ZNF385D: variants seen among roughly 807,000 people sequenced by gnomAD.
ZNF385D encodes the protein zinc finger protein 385D.
Under a neutral mutation model 35.8 loss-of-function variants are expected in ZNF385D, and 15 were observed. The observed-to-expected ratio is 0.42, with a 90% CI of 0.28 to 0.64. ZNF385D has a LOEUF of 0.64. Among genes scored for constraint, ZNF385D ranks in the 30% least tolerant of loss-of-function variants. The pLI is 0.23. For missense variants in ZNF385D, 474 were observed against 494.6 expected (o/e 0.96, Z 0.39); for synonymous variants, 212 against 186.8 (o/e 1.13, Z -1.10).
chr3:21,873,785 C>A (rs185363671), intron 3 of ZNF385D, among the ~76,000 whole-genome samples: 4 of 152,184 alleles, frequency 2.6e-5, no homozygotes, highest in Admixed American at 2.6e-4. Context: ...TTTCAAGGTC[C>A]ATCTATGATG....
At chr3:22,236,393 G>GTAA in intron 2 of ZNF385D, among the ~76,000 whole-genome samples, 1 of 151,818 alleles carries the variant, frequency 6.6e-6, no homozygotes, top group East Asian at 1.9e-4. Flanking sequence ...GAAGAGAGGA[G>GTAA]TAATCATAGC....
chr3:22,313,396 T>C (rs1244003319), intron 2 of ZNF385D, among the ~76,000 whole-genome samples: 1 of 151,890 alleles, frequency 6.6e-6, no homozygotes, highest in East Asian at 1.9e-4. Flanking sequence ...ACTTAAAGTA[T>C]AATAATAAAA....
At chr3:21,441,638 T>A (rs1701864434) in intron 4 of ZNF385D, 1 of 965,308 alleles carries the variant, frequency 1.0e-6, no homozygotes, top group South Asian at 4.8e-5. Flanking sequence ...TTGCTTAAAA[T>A]CATTTAGAAG....
chr3:22,038,249 T>C (rs1312989349), intron 3 of ZNF385D, among the ~76,000 whole-genome samples: 4 of 152,114 alleles, frequency 2.6e-5, no homozygotes, highest in South Asian at 2.1e-4. Context: ...TCAAGAAAGA[T>C]AAAAATGTGG....
At chr3:21,676,968 A>T in intron 1 of ZNF385D, among the ~76,000 whole-genome samples, 1 of 152,086 alleles carries the variant, frequency 6.6e-6, no homozygotes, top group Middle Eastern at 3.2e-3. Flanking sequence ...AATCCAGAAA[A>T]AAAGAGAAAC....
At chr3:21,868,348 A>G (rs1221994756) in intron 3 of ZNF385D, among the ~76,000 whole-genome samples, 1 of 152,160 alleles carries the variant, frequency 6.6e-6, no homozygotes, top group African/African-American at 2.4e-5. Context: ...CCTGCTCATG[A>G]TAATTCTATG....
intron 3 of ZNF385D, among the ~76,000 whole-genome samples, chr3:22,141,157 A>G (rs916524534): frequency 6.6e-6 from 1 of 152,204 alleles, no homozygotes; most frequent in Middle Eastern, 3.2e-3. Flanking sequence ...TGTTCCTAAA[A>G]TAATAAGAGA....
At chr3:22,326,806 T>C (rs147609114) in intron 2 of ZNF385D, among the ~76,000 whole-genome samples, 10 of 152,180 alleles carry the variant, frequency 6.6e-5, no homozygotes, top group African/African-American at 2.4e-4. Flanking sequence ...AACACCCACA[T>C]CAAGATACCG....
chr3:21,722,567 G>C (rs569341805), intron 1 of ZNF385D, among the ~76,000 whole-genome samples: 6 of 152,328 alleles, frequency 3.9e-5, no homozygotes, highest in Admixed American at 6.5e-5. Flanking sequence ...AATAAGGCGT[G>C]GGCGCCACAG....
Position 21,424,198 on chromosome 3 carries a change from C to A in ZNF385D, c.853-134G>T, listed in dbSNP as rs1383068896. On this transcript the variant is annotated intron_variant, in intron 6 of 7. Transcript: ENST00000281523. ...AGAAAGACAAAAATAAAAGATCATG[C>A]ACTTTTGTCCTGAGATTCTGATGCC... 4 of 629,022 alleles carry A rather than the reference C, an allele frequency of 6.4e-6. No individual in the cohort carries two copies. The African/African-American group carries it at 8.1e-5, about 13-fold the overall frequency. The allele number at this position is 629,022 out of a possible 1,614,324, so 39.0% of individuals were successfully genotyped here.
intron 3 of ZNF385D, among the ~76,000 whole-genome samples, chr3:22,085,747 A>G (rs1700998899): frequency 1.3e-5 from 2 of 152,222 alleles, no homozygotes; most frequent in South Asian, 2.1e-4. Context: ...CAGAGACACA[A>G]TAAAAAAAGA....
chr3:21,812,230 G>A (rs567860818), intron 3 of ZNF385D, among the ~76,000 whole-genome samples: 8 of 152,278 alleles, frequency 5.3e-5, no homozygotes, highest in South Asian at 4.1e-4. Context: ...TTAAGGATCC[G>A]GTTCCAAGAT....
At chr3:21,486,850 T>C (rs1705064576) in intron 4 of ZNF385D, among the ~76,000 whole-genome samples, 1 of 152,160 alleles carries the variant, frequency 6.6e-6, no homozygotes, top group African/African-American at 2.4e-5. Context: ...CACTCATATA[T>C]TTGTATGATG....
intron 3 of ZNF385D, among the ~76,000 whole-genome samples, chr3:22,004,847 C>T (rs1357716049): frequency 6.6e-6 from 1 of 152,062 alleles, no homozygotes; most frequent in Non-Finnish European, 1.5e-5. Flanking sequence ...AACAAATGTA[C>T]ATCTCACATA....
At chr3:22,108,050 A>G (rs2125638267) in intron 3 of ZNF385D, among the ~76,000 whole-genome samples, 1 of 151,774 alleles carries the variant, frequency 6.6e-6, no homozygotes, top group Admixed American at 6.6e-5. Context: ...ACTAGATGTC[A>G]GTGTATTGAT....
intron 4 of ZNF385D, among the ~76,000 whole-genome samples, chr3:21,502,711 C>A (rs1270333571): frequency 6.6e-6 from 1 of 152,144 alleles, no homozygotes; most frequent in African/African-American, 2.4e-5. Flanking sequence ...TTCTGAATTT[C>A]CCTTCTCTTT....
chr3:22,131,352 C>T (rs1254901362), intron 3 of ZNF385D, among the ~76,000 whole-genome samples: 1 of 151,364 alleles, frequency 6.6e-6, no homozygotes, highest in Non-Finnish European at 1.5e-5. Context: ...GGAAGCAATG[C>T]CTATTTGGAG....
intron 2 of ZNF385D, among the ~76,000 whole-genome samples, chr3:22,241,379 T>G (rs1699484271): frequency 6.6e-6 from 1 of 151,302 alleles, no homozygotes; most frequent in Admixed American, 6.6e-5. Context: ...TATATTGGTT[T>G]TGATCTTTGC....
chr3:22,089,984 G>A (rs542622371), intron 3 of ZNF385D, among the ~76,000 whole-genome samples: 19 of 152,052 alleles, frequency 1.2e-4, no homozygotes, highest in African/African-American at 3.9e-4. Context: ...GACTACAGGC[G>A]CGTGCCACCA....
Sources: allele counts gnomAD v4.1 joint callset (sites outside exome capture counted in the v4.1 genomes callset), GRCh38; gene constraint gnomAD v4.1.1; transcripts MANE v1.5; gene names NCBI Gene and HGNC (gene_info 2026-07-23, HGNC 2026-07-21).